PARD3B: variants seen among roughly 807,000 people sequenced by gnomAD.
The protein encoded by PARD3B is par-3 family cell polarity regulator beta.
Under a neutral mutation model 130.2 loss-of-function variants are expected in PARD3B, and 103 were observed. The ratio of observed to expected loss-of-function variants is 0.79; its 90% CI spans 0.67 to 0.93. The LOEUF (loss-of-function observed/expected upper bound fraction) is 0.93. Among genes scored for constraint, PARD3B ranks in the 40% least tolerant of loss-of-function variants. The pLI is 0.00. For missense variants in PARD3B, 1,609 were observed against 1,499.2 expected, an observed-to-expected ratio of 1.07 and a Z score of -1.21; for synonymous variants, 583 against 553.2, an observed-to-expected ratio of 1.05 and a Z score of -0.76.
chr2:205,347,780 G>A (rs1273641992), intron 18 of PARD3B: 1 of 152,198 alleles, frequency 6.6e-6, no homozygotes, highest in Non-Finnish European at 1.5e-5. Context: ...CTTGCCGGTT[G>A]CCTGGTGATT....
chr2:205,456,351 T>G (rs927927328), intron 20 of PARD3B, among the ~76,000 whole-genome samples: 1 of 152,108 alleles, frequency 6.6e-6, no homozygotes, highest in South Asian at 2.1e-4. Context: ...TGTGAACATA[T>G]GTTGTATGTC....
At chr2:205,182,299 G>GA (rs76520696) in intron 13 of PARD3B, among the ~76,000 whole-genome samples, 38 of 123,288 alleles carry the variant, frequency 3.1e-4, no homozygotes, top group South Asian at 1.8e-3. Context: ...CTCAAAAAAA[G>GA]AAAAAAAAAA....
chr2:205,058,749 C>T (rs1456218804), intron 4 of PARD3B, among the ~76,000 whole-genome samples: 1 of 151,902 alleles, frequency 6.6e-6, no homozygotes, highest in African/African-American at 2.4e-5. Flanking sequence ...CTTTGGGAAA[C>T]TGTCTTTTCA....
chr2:204,662,223 T>A (rs558666459), intron 1 of PARD3B, among the ~76,000 whole-genome samples: 16 of 152,342 alleles, frequency 1.1e-4, no homozygotes, highest in Admixed American at 8.5e-4. Context: ...GTTATCAAAA[T>A]CATTGCATTT....
intron 18 of PARD3B, among the ~76,000 whole-genome samples, chr2:205,396,678 T>C (rs2046042489): frequency 6.6e-6 from 1 of 152,228 alleles, no homozygotes; most frequent in South Asian, 2.1e-4. Context: ...CAGAATTTTT[T>C]AGGAAAATAT....
chr2:204,820,071 C>CTTTTTTTTTTTTTTTTTTT (rs557143420), intron 2 of PARD3B, among the ~76,000 whole-genome samples: 7 of 98,420 alleles, frequency 7.1e-5, no homozygotes, highest in African/African-American at 2.2e-4. Context: ...AAACAATAGA[C>CTTTTTTTTTTTTTTTTTTT]TTTTTTTTTT....
chr2:205,089,650 G>A (rs543851201), intron 4 of PARD3B, among the ~76,000 whole-genome samples: 2 of 152,256 alleles, frequency 1.3e-5, no homozygotes, highest in Admixed American at 1.3e-4. Context: ...CCTTTCTGGT[G>A]AGATGGCAAA....
In PARD3B at chr2:205,043,701, T is replaced by G. The variant is rs1397113645; in HGVS notation, c.395-3880T>G. 8.5e-5 allele frequency among the ~76,000 whole-genome samples: 13 copies of G among 152,292 alleles called. No homozygotes were observed. The East Asian group carries it at 2.5e-3, about 29-fold the overall frequency. On this transcript the variant is annotated intron_variant, in intron 3 of 22. Coordinates refer to ENST00000406610, the MANE Select transcript of PARD3B (RefSeq NM_001302769.2). The stretch of plus-strand genomic sequence containing the variant: ...TTTCCTTGTACAATATGACTTCTAC[T>G]CTACCATATATTCAAGGTTTTGCCC...
chr2:204,649,128 C>T (rs2035393455), intron 1 of PARD3B, among the ~76,000 whole-genome samples: 2 of 146,688 alleles, frequency 1.4e-5, no homozygotes, highest in African/African-American at 5.1e-5. Flanking sequence ...TCATTGTCTA[C>T]AGTTCTTGCA....
chr2:204,592,836 A>T (rs1236884697), intron 1 of PARD3B, among the ~76,000 whole-genome samples: 1 of 152,198 alleles, frequency 6.6e-6, no homozygotes, highest in African/African-American at 2.4e-5. Context: ...GTCCCTATGA[A>T]GTTGCCCACT....
At chr2:204,563,923 G>A (rs540277570) in intron 1 of PARD3B, among the ~76,000 whole-genome samples, 13 of 152,098 alleles carry the variant, frequency 8.5e-5, no homozygotes, top group South Asian at 2.1e-4. Context: ...ACAGGCACCC[G>A]CCACCATGCC....
chr2:204,607,274 A>G (rs954660942), intron 1 of PARD3B, among the ~76,000 whole-genome samples: 1 of 152,200 alleles, frequency 6.6e-6, no homozygotes, highest in Non-Finnish European at 1.5e-5. Flanking sequence ...TTAACAAAAA[A>G]TTGGGAGGAT....
At chr2:205,608,577 A>G (rs2055106637) in intron 22 of PARD3B, among the ~76,000 whole-genome samples, 1 of 152,084 alleles carries the variant, frequency 6.6e-6, no homozygotes, top group Non-Finnish European at 1.5e-5. Flanking sequence ...GTTCTCAGTT[A>G]TCTTTTCTAA....
At chr2:205,515,959 G>C (rs2050776219) in intron 21 of PARD3B, among the ~76,000 whole-genome samples, 1 of 152,054 alleles carries the variant, frequency 6.6e-6, no homozygotes, top group African/African-American at 2.4e-5. Flanking sequence ...AATCCATTTT[G>C]AGTTGATGAT....
intron 14 of PARD3B, among the ~76,000 whole-genome samples, 175 bp downstream of exon 14, chr2:205,186,038 C>A (rs1179915962): frequency 6.6e-6 from 1 of 152,112 alleles, no homozygotes; most frequent in Non-Finnish European, 1.5e-5. Flanking sequence ...TAGCTAATAG[C>A]TTAGATTGGG....
At chr2:205,179,716 CT>C (rs2035682131) in intron 13 of PARD3B, among the ~76,000 whole-genome samples, 1 of 152,126 alleles carries the variant, frequency 6.6e-6, no homozygotes. Flanking sequence ...ATATATCCTC[CT>C]TAAGTGACAC....
At chr2:205,308,284 AC>A (rs1459145416) in intron 18 of PARD3B, among the ~76,000 whole-genome samples, 2 of 152,082 alleles carry the variant, frequency 1.3e-5, no homozygotes, top group Non-Finnish European at 2.9e-5. Flanking sequence ...AAGGATAAAA[AC>A]TTTTGAGTTC....
intron 2 of PARD3B, among the ~76,000 whole-genome samples, chr2:204,705,133 C>T (rs890087558): frequency 6.6e-6 from 1 of 152,206 alleles, no homozygotes; most frequent in African/African-American, 2.4e-5. Flanking sequence ...TTCACTGACA[C>T]TCAGCATCTT....
intron 3 of PARD3B, among the ~76,000 whole-genome samples, chr2:205,010,715 T>C (rs1302700657): frequency 6.6e-6 from 1 of 152,228 alleles, no homozygotes; most frequent in East Asian, 1.9e-4. Flanking sequence ...TATTCTCTTT[T>C]TACATTCCAG....
Sources: allele counts gnomAD v4.1 joint callset (sites outside exome capture counted in the v4.1 genomes callset), GRCh38; gene constraint gnomAD v4.1.1; transcripts MANE v1.5; gene names NCBI Gene and HGNC (gene_info 2026-07-23, HGNC 2026-07-21).